The following ARMH3 variants were observed in gnomAD, a reference collection of about 807,000 sequenced individuals.
The protein encoded by ARMH3 is armadillo like helical domain containing 3, also known as armadillo-like helical domain-containing protein 3.
ARMH3 carries 60 observed loss-of-function variants against 99.1 expected under a neutral mutation model. The ratio of observed to expected loss-of-function variants is 0.61; its 90% CI spans 0.49 to 0.75. The LOEUF (loss-of-function observed/expected upper bound fraction) is 0.75. Among genes scored for constraint, ARMH3 ranks in the 30% least tolerant of loss-of-function variants. The probability of loss-of-function intolerance (pLI) is 0.00; values close to 1 mark genes in which losing one functional copy is unlikely to be tolerated. For synonymous variants in ARMH3, 285 were observed against 292.8 expected (o/e 0.97, Z 0.27); for missense variants, 679 against 843.1 (o/e 0.81, Z 2.41).
chr10:101,921,134 A>C (rs1458470062), intron 23 of ARMH3, among the ~76,000 whole-genome samples: 1 of 152,232 alleles, frequency 6.6e-6, no homozygotes, highest in Non-Finnish European at 1.5e-5. Context: ...TATATTTCTT[A>C]CCACAATTTA....
At chr10:101,975,049 TA>T (rs11399489) in intron 20 of ARMH3, among the ~76,000 whole-genome samples, 162 bp downstream of exon 20, 38 of 29,664 alleles carry the variant, frequency 1.3e-3, no homozygotes, top group East Asian at 2.9e-3. Flanking sequence ...AGCTAAAACG[TA>T]AAAAAAAAAA....
intron 19 of ARMH3, among the ~76,000 whole-genome samples, chr10:101,983,328 C>A (rs560714361): frequency 5.9e-5 from 9 of 152,264 alleles, no homozygotes; most frequent in African/African-American, 2.2e-4. Flanking sequence ...GTCACCTAGG[C>A]TGGAATGCAG....
chr10:101,997,188 C>T (rs183243632), intron 15 of ARMH3, among the ~76,000 whole-genome samples: 1 of 151,944 alleles, frequency 6.6e-6, no homozygotes, highest in East Asian at 1.9e-4. Flanking sequence ...TCGCTTGAAT[C>T]CACAAGGCAG....
chr10:101,982,959 G>A (rs1342415744), intron 19 of ARMH3, among the ~76,000 whole-genome samples: 1 of 152,094 alleles, frequency 6.6e-6, no homozygotes, highest in African/African-American at 2.4e-5. Context: ...ACTGCCCCCA[G>A]ATCTGTGAAA....
At chr10:102,007,656 TAAAAAAAA>T (rs961346897) in intron 13 of ARMH3, among the ~76,000 whole-genome samples, 4 of 54,978 alleles carry the variant, frequency 7.3e-5, no homozygotes, top group South Asian at 1.3e-3. Context: ...CTGTCTCTAC[TAAAAAAAA>T]AAAAAAAAAA....
intron 14 of ARMH3, among the ~76,000 whole-genome samples, chr10:102,005,060 C>T (rs1321061660): frequency 1.3e-5 from 2 of 152,020 alleles, no homozygotes; most frequent in South Asian, 2.1e-4. Context: ...AAAAATTAGC[C>T]GGGCATGGTG....
At chr10:101,959,070 T>C (rs1845166886) in intron 20 of ARMH3, among the ~76,000 whole-genome samples, 1 of 152,218 alleles carries the variant, frequency 6.6e-6, no homozygotes, top group Non-Finnish European at 1.5e-5. Flanking sequence ...ACTTGAGTTC[T>C]CTGGGGTTTC....
chr10:102,031,322 A>G (rs769309006), intron 4 of ARMH3, among the ~76,000 whole-genome samples: 13 of 152,190 alleles, frequency 8.5e-5, no homozygotes, highest in Non-Finnish European at 1.6e-4. Flanking sequence ...TAATACTGTA[A>G]AGTACTTAGT....
chr10:101,989,663 G>C (rs1846678163), intron 19 of ARMH3, among the ~76,000 whole-genome samples: 1 of 152,244 alleles, frequency 6.6e-6, no homozygotes, highest in Non-Finnish European at 1.5e-5. Context: ...AGAGGTTGCA[G>C]TGAGCCGAGA....
chr10:101,960,851 CAG>C (rs1845264718), intron 20 of ARMH3, among the ~76,000 whole-genome samples: 2 of 141,710 alleles, frequency 1.4e-5, no homozygotes, highest in South Asian at 4.4e-4. Context: ...GATTGCACCA[CAG>C]CACTCTAGCC....
rs757583573 is a variant in ARMH3 at position 102,023,755 on chromosome 10, T to C, written c.508-6A>G. 4 of 1,613,462 alleles carry C rather than the reference T, an allele frequency of 2.5e-6. No individual in the cohort carries two copies. The highest frequency in any genetic ancestry group is 1.7e-4 in the Middle Eastern group (1 of 6,040). On this transcript the variant is annotated splice_polypyrimidine_tract_variant and splice_region_variant and intron_variant, in intron 6 of 25. Transcript: ENST00000370033. ...TGGCTGATGTTATCTGTCACCTGAA[T>C]GTAATAAAAGGCTTTTTAAAGTCTG...
intron 24 of ARMH3, among the ~76,000 whole-genome samples, chr10:101,867,892 A>C (rs1419781813): frequency 6.6e-6 from 1 of 151,564 alleles, no homozygotes; most frequent in Admixed American, 6.6e-5. Flanking sequence ...TAATCTCAGC[A>C]CTTTGGGACG....
chr10:101,968,443 G>A (rs1845629929), intron 20 of ARMH3, among the ~76,000 whole-genome samples: 1 of 152,226 alleles, frequency 6.6e-6, no homozygotes, highest in South Asian at 2.1e-4. Flanking sequence ...TCGAGATCCA[G>A]AGAAGGATGA....
At chr10:101,919,795 T>A (rs891167591) in intron 23 of ARMH3, among the ~76,000 whole-genome samples, 1 of 152,210 alleles carries the variant, frequency 6.6e-6, no homozygotes, top group African/African-American at 2.4e-5. Context: ...TTTTAACCCT[T>A]ACCTTTTTCC....
At chr10:102,013,924 G>A (rs781489081) in intron 9 of ARMH3, 44 bp downstream of exon 9, 130 of 1,478,312 alleles carry the variant, frequency 8.8e-5, no homozygotes, top group Non-Finnish European at 1.2e-4. Flanking sequence ...TAATACCATT[G>A]AATGCAAATA....
At position 101,993,217 on chromosome 10, in the gene ARMH3, G is replaced by A. The variant is rs577016843; in HGVS notation, c.1275+321C>T. ...GCCCAAGAGGCAGAGGTTGCAGTGA[G>A]CAGAGATCACACCATTGCACTCCAG... On this transcript the variant is annotated intron_variant, in intron 17 of 25. Coordinates refer to ENST00000370033, the MANE Select transcript of ARMH3 (RefSeq NM_024541.3). 1.2e-4 allele frequency among the ~76,000 whole-genome samples: 18 copies of A among 151,024 alleles called. No homozygotes were observed. The East Asian group carries it at 3.1e-3, about 26-fold the overall frequency.
chr10:101,862,696 A>C (rs1454940014), intron 24 of ARMH3, among the ~76,000 whole-genome samples: 1 of 152,226 alleles, frequency 6.6e-6, no homozygotes, highest in African/African-American at 2.4e-5. Flanking sequence ...AGCAGATATA[A>C]AATGAAATCA....
intron 22 of ARMH3, among the ~76,000 whole-genome samples, chr10:101,944,364 T>C (rs919169624): frequency 1.5e-5 from 2 of 134,492 alleles, no homozygotes; most frequent in Non-Finnish European, 3.1e-5. Context: ...GGTCAAAAAA[T>C]TTGAAGAAAT....
chr10:101,956,848 T>C (rs1213519206), intron 21 of ARMH3, 125 bp from the exon 22 acceptor site: 5 of 955,006 alleles, frequency 5.2e-6, no homozygotes, highest in Non-Finnish European at 5.6e-6. Flanking sequence ...AGGAATTTTG[T>C]AAGCCAGTTG....
Sources: allele counts gnomAD v4.1 joint callset (sites outside exome capture counted in the v4.1 genomes callset), GRCh38; gene constraint gnomAD v4.1.1; transcripts MANE v1.5; gene names NCBI Gene and HGNC (gene_info 2026-07-23, HGNC 2026-07-21).